Variants in EPB41L1 observed in about 807,000 individuals in gnomAD.
EPB41L1 encodes the protein erythrocyte membrane protein band 4.1 like 1.
In EPB41L1, 29 loss-of-function variants were observed where a neutral mutation model predicts 97.8. The observed-to-expected ratio is 0.30, with a 90% confidence interval of 0.22 to 0.40. The LOEUF is 0.40. EPB41L1 is among the 10% of genes least tolerant of loss of function. The pLI is 1.00. For synonymous variants in EPB41L1, 383 were observed against 459.2 expected (o/e 0.83, Z 2.12); for missense variants, 812 against 1,162.3 (o/e 0.70, Z 4.38).
At chr20:36,162,371 G>A (rs2060567753) in intron 1 of EPB41L1, among the ~76,000 whole-genome samples, 1 of 152,386 alleles carries the variant, frequency 6.6e-6, no homozygotes, top group Admixed American at 6.5e-5. Context: ...CTTACAGCAA[G>A]TTGGAGGTCG....
At position 36,188,629 on chromosome 20, in the gene EPB41L1, CACACACACACACAGAGAG is replaced by C. The variant is rs1424634921; in HGVS notation, c.1026+132_1026+149del. 288 of 668,926 alleles carry C rather than the reference CACACACACACACAGAGAG, an allele frequency of 4.3e-4. No homozygotes were observed. The African/African-American group carries it at 6.5e-3, about 15-fold the overall frequency. The allele number at this position is 668,926 out of a possible 1,614,324, so 41.4% of individuals were successfully genotyped here. A position where few individuals can be genotyped will look rare whatever the true frequency, so the allele number is the denominator to read the frequency against. On this transcript the variant is annotated intron_variant, in intron 9 of 21. Transcript: ENST00000338074. The stretch of plus-strand genomic sequence containing the variant: ...ACACACACACACACACACACACACA[CACACACACACACAGAGAG>C]AGAGAGAGAGAGAGAGAGAGAGGAG...
At chr20:36,183,242 C>T (rs1186795000) in intron 6 of EPB41L1, among the ~76,000 whole-genome samples, 1 of 152,160 alleles carries the variant, frequency 6.6e-6, no homozygotes, top group Non-Finnish European at 1.5e-5. Flanking sequence ...TCCCCTACAG[C>T]AGGGGAAGGG....
In EPB41L1 at chr20:36,212,367, T is replaced by A. The variant is rs540700829; in HGVS notation, c.2175T>A (p.Asp725Glu). The change falls in exon 16 of 22, where the codon GAT (aspartate) becomes GAA (glutamate). Residue 725 changes from aspartate to glutamate, a missense_variant. Physicochemically the swap from Asp to Glu is conservative, Grantham distance 45 (BLOSUM62 2). This residue lies in a region of EPB41L1 where 498 missense variants were observed against 622.7 expected (regional missense o/e 0.80). Coordinates refer to ENST00000338074, the MANE Select transcript of EPB41L1 (RefSeq NM_012156.2). The surrounding 1 kb of genome is among the most constrained non-coding windows in gnomAD (Gnocchi z 4.8). Reference sequence around the variant, plus strand: ...TGCAGACCAGAGTCTCCGCTATGGATAACACCCAGGTAACTTGTGCCTTCC... The same window carrying A: ...TGCAGACCAGAGTCTCCGCTATGGAAAACACCCAGGTAACTTGTGCCTTCC... Reference protein sequence around the residue: ...AVLQTRVSAMDNTQQVDGSAS... With the variant: ...AVLQTRVSAMENTQQVDGSAS... The A allele has an allele frequency of 5.0e-6, 8 of 1,614,144 alleles. No homozygotes were observed. In the South Asian group the frequency reaches 8.8e-5, roughly 18 times the overall value.
Position 36,175,680 on chromosome 20 carries a change from C to A in EPB41L1, c.307C>A (p.Leu103Met). The part of the protein sequence containing the change: ...KYKSAICRVT[L>M]LDASEYECEV... The stretch of plus-strand genomic sequence containing the variant: ...CAAGAGTGCCATCTGCCGGGTCACT[C>A]TGCTTGATGCCTCGGAGTATGAGTG... Residue 103 changes from leucine (L) to methionine (M), a missense_variant, in exon 3 of 22, where the codon CTG becomes ATG. Leu to Met is a conservative substitution (Grantham distance 15). This residue lies in a region of EPB41L1 where 230 missense variants were observed against 445.2 expected (regional missense o/e 0.52). Coordinates refer to ENST00000338074, the MANE Select transcript of EPB41L1 (RefSeq NM_012156.2). 6.2e-7 allele frequency: 1 copy of A among 1,614,126 alleles called. No individual in the cohort carries two copies. Among genetic ancestry groups the A allele is most frequent in the African/African-American group, 1.3e-5 (1 of 75,016 alleles).
At chr20:36,163,989 G>A (rs1360249601) in intron 1 of EPB41L1, among the ~76,000 whole-genome samples, 4 of 152,052 alleles carry the variant, frequency 2.6e-5, no homozygotes, top group Admixed American at 2.6e-4. Context: ...GACTACAGGC[G>A]CCTGCCACCA....
chr20:36,179,295 A>G (rs908003132), intron 5 of EPB41L1, among the ~76,000 whole-genome samples: 4 of 152,168 alleles, frequency 2.6e-5, no homozygotes, highest in African/African-American at 9.7e-5. Flanking sequence ...TCTAGGACAA[A>G]GGACAAGCAG....
At chr20:36,177,614 G>C (rs534668596) in intron 3 of EPB41L1, among the ~76,000 whole-genome samples, 5 of 152,168 alleles carry the variant, frequency 3.3e-5, no homozygotes, top group African/African-American at 1.2e-4. Context: ...CTGCCCCTTC[G>C]GTCTAAGTTA....
At chr20:36,227,835 C>A (rs776090088) in intron 21 of EPB41L1, among the ~76,000 whole-genome samples, 1 of 152,212 alleles carries the variant, frequency 6.6e-6, no homozygotes, top group Non-Finnish European at 1.5e-5. Flanking sequence ...TCTCTCCCTG[C>A]AACCTTGCAG....
intron 2 of EPB41L1, among the ~76,000 whole-genome samples, chr20:36,136,672 A>C (rs2059429214): frequency 6.6e-6 from 1 of 150,468 alleles, no homozygotes; most frequent in South Asian, 2.1e-4. Flanking sequence ...TCCATCCTTG[A>C]ACTCCTGAAC....
At chr20:36,150,012 G>A (rs1408442557), upstream of EPB41L1, 1 of 151,698 alleles carries the variant, frequency 6.6e-6, no homozygotes, top group African/African-American at 2.4e-5. Flanking sequence ...AAAAGAAACA[G>A]ATGTAATTAT....
At position 36,154,969 on chromosome 20, in the gene EPB41L1, G is replaced by A. The variant is rs142816394; in HGVS notation, c.-15+73G>A. On this transcript the variant is annotated intron_variant, in intron 1 of 21. Transcript: ENST00000338074. This position sits in a 1 kb window ranked among gnomAD's most constrained non-coding sequence, Gnocchi z 5.5. ...ACATCTAGGCCCAGCCTCCAGCCCTGGGGAGGAACGGGGGCGAGGCCGAGA... is the reference window on the plus strand; with the variant it reads ...ACATCTAGGCCCAGCCTCCAGCCCTAGGGAGGAACGGGGGCGAGGCCGAGA... The A allele has an allele frequency of 1.6e-3, 1,865 of 1,147,824 alleles. 4 individuals carry two copies. Among genetic ancestry groups the A allele is most frequent in the Admixed American group, 2.0e-3 (55 of 27,588 alleles). 71.1% of individuals were successfully genotyped at this position (1,147,824 alleles called of 1,614,324 possible).
At chr20:36,220,508 AG>A (rs894373375) in intron 19 of EPB41L1, among the ~76,000 whole-genome samples, 33 of 152,266 alleles carry the variant, frequency 2.2e-4, no homozygotes, top group Middle Eastern at 6.8e-3. Flanking sequence ...TTGACTCTGG[AG>A]GATCTGGGCC....
Position 36,190,931 on chromosome 20 carries a change from T to G in EPB41L1, c.1300+134T>G. The G allele has an allele frequency of 8.0e-7, 1 of 1,252,062 alleles. No homozygotes were observed. Among genetic ancestry groups the G allele is most frequent in the Non-Finnish European group, 1.1e-6 (1 of 889,772 alleles). 77.6% of individuals were successfully genotyped at this position (1,252,062 alleles called of 1,614,324 possible). On this transcript the variant is annotated intron_variant, in intron 11 of 21. Coordinates refer to ENST00000338074, the MANE Select transcript of EPB41L1 (RefSeq NM_012156.2). The surrounding 1 kb of genome is among the most constrained non-coding windows in gnomAD (Gnocchi z 5.8). ...AGTTCATCTGCACCAGGCTGGCCCCTCAAGACCAGTGCTGTCCCTGGGCAG... is the reference window on the plus strand; with the variant it reads ...AGTTCATCTGCACCAGGCTGGCCCCGCAAGACCAGTGCTGTCCCTGGGCAG...
At chr20:36,216,615 C>T (rs182414772) in intron 17 of EPB41L1, among the ~76,000 whole-genome samples, 3 of 152,346 alleles carry the variant, frequency 2.0e-5, no homozygotes, top group South Asian at 2.1e-4. Context: ...CCCTCCTTCT[C>T]TCTCTCTCCT....
intron 19 of EPB41L1, 134 bp downstream of exon 19, chr20:36,219,978 C>G: frequency 1.2e-6 from 1 of 841,544 alleles, no homozygotes; most frequent in Non-Finnish European, 2.0e-6. Flanking sequence ...TTCTGGAATA[C>G]TGTGCGCTTT....
intron 2 of EPB41L1, among the ~76,000 whole-genome samples, chr20:36,126,540 A>C (rs2058976625): frequency 6.6e-6 from 1 of 151,910 alleles, no homozygotes; most frequent in Non-Finnish European, 1.5e-5. Flanking sequence ...CTAATTTTGT[A>C]TTTTTAGTAG....
intron 2 of EPB41L1, among the ~76,000 whole-genome samples, chr20:36,136,776 T>C (rs1020507019): frequency 1.5e-4 from 23 of 149,580 alleles, no homozygotes; most frequent in Admixed American, 1.3e-3. Flanking sequence ...AAAAATGGGG[T>C]TCTTCTTTTG....
intron 21 of EPB41L1, 40 bp downstream of exon 21, chr20:36,222,434 G>C: frequency 1.3e-5 from 20 of 1,492,222 alleles, no homozygotes; most frequent in African/African-American, 2.8e-5. Flanking sequence ...GAGAGAGGAG[G>C]GAGCAGTAGC....
At chr20:36,125,933 C>T (rs772661378) in intron 2 of EPB41L1, among the ~76,000 whole-genome samples, 5 of 151,106 alleles carry the variant, frequency 3.3e-5, no homozygotes, top group African/African-American at 4.9e-5. Context: ...AGACAGAGAA[C>T]GGACAGTGTG....
Sources: gnomAD v4.1 joint callset for allele counts (sites outside exome capture counted in the v4.1 genomes callset) on GRCh38, gnomAD v4.1.1 for gene constraint, gnomAD v4.1.1 regional missense constraint, Gnocchi (gnomAD v3.1) non-coding constraint, MANE v1.5 for transcripts, NCBI Gene and HGNC (gene_info 2026-07-23, HGNC 2026-07-21) for gene names.